ARSB: variants seen among roughly 807,000 people sequenced by gnomAD.
The protein encoded by ARSB is arylsulfatase B, also known as N-acetylgalactosamine-4-sulfatase.
ARSB carries 41 observed loss-of-function variants against 50.9 expected under a neutral mutation model. The ratio of observed to expected loss-of-function variants is 0.81; its 90% CI spans 0.63 to 1.04. The LOEUF (loss-of-function observed/expected upper bound fraction) is 1.04. ARSB is among the 50% of genes least tolerant of loss of function. ARSB has a pLI of 0.00. For missense variants in ARSB, 672 were observed against 693.3 expected, an observed-to-expected ratio of 0.97 and a Z score of 0.35; for synonymous variants, 269 against 284.8, an observed-to-expected ratio of 0.94 and a Z score of 0.56.
rs541176513 is a variant in ARSB at position 78,819,823 on chromosome 5, C to T, written c.1213+19533G>A. Among the ~76,000 whole-genome samples, 6 of 152,362 alleles carry T rather than the reference C, an allele frequency of 3.9e-5. 1 individual carries two copies. In the South Asian group the frequency reaches 1.2e-3, roughly 32 times the overall value. On this transcript the variant is annotated intron_variant, in intron 6 of 7. Coordinates refer to ENST00000264914, the MANE Select transcript of ARSB (RefSeq NM_000046.5). The stretch of plus-strand genomic sequence containing the variant: ...GGGAGGCCAAGTGCTTTAGGACAAG[C>T]ACTGGCAAATGGCACAGAAGGGCCA...
chr5:78,873,785 G>A (rs113302770), intron 5 of ARSB, among the ~76,000 whole-genome samples: 3,774 of 152,118 alleles, frequency 0.025, 114 homozygotes, highest in South Asian at 0.11. Context: ...GTGAGCCACC[G>A]CACCCGGCCT....
chr5:78,922,193 T>A (rs1749847639), intron 4 of ARSB, among the ~76,000 whole-genome samples: 1 of 74,430 alleles, frequency 1.3e-5, no homozygotes. Flanking sequence ...TTAGAGCCAG[T>A]GGATTTGGTG....
rs1384287393 is a variant in ARSB at position 78,868,160 on chromosome 5, T to C, written c.1142+17424A>G. ...AAAGCCTCCAAGAAATATGGGACTA[T>C]GTGAAAAGACCAAATCTACGTCTGA... On this transcript the variant is annotated intron_variant, in intron 5 of 7. Coordinates refer to ENST00000264914, the MANE Select transcript of ARSB (RefSeq NM_000046.5). 2.8e-5 allele frequency among the ~76,000 whole-genome samples: 4 copies of C among 140,588 alleles called. No individual in the cohort carries two copies. In the South Asian group the frequency reaches 7.2e-4, roughly 25 times the overall value. The allele number at this position is 140,588 out of a possible 152,430, so 92.2% of individuals were successfully genotyped here.
intron 4 of ARSB, among the ~76,000 whole-genome samples, chr5:78,890,816 T>C (rs1237050867): frequency 6.6e-6 from 1 of 152,238 alleles, no homozygotes; most frequent in Non-Finnish European, 1.5e-5. Context: ...GAATATGTCA[T>C]GCCCTTTCAT....
chr5:78,856,494 T>G (rs1746147937), intron 5 of ARSB, among the ~76,000 whole-genome samples: 1 of 152,220 alleles, frequency 6.6e-6, no homozygotes, highest in African/African-American at 2.4e-5. Flanking sequence ...ACACAAAGCT[T>G]TATCACAATG....
intron 6 of ARSB, among the ~76,000 whole-genome samples, chr5:78,790,023 G>A (rs997059774): frequency 1.3e-5 from 2 of 152,142 alleles, no homozygotes; most frequent in Admixed American, 6.5e-5. Flanking sequence ...TAGGGTGAAC[G>A]GGAGGGTCTA....
At chr5:78,977,265 C>T (rs2052549) in intron 1 of ARSB, among the ~76,000 whole-genome samples, 32,657 of 151,632 alleles carry the variant, frequency 0.22, 3,620 homozygotes, top group Non-Finnish European at 0.25. Flanking sequence ...GCAATTCTCC[C>T]GCCTCAGCCT....
At chr5:78,838,236 C>T (rs1425580174) in intron 6 of ARSB, among the ~76,000 whole-genome samples, 2 of 152,096 alleles carry the variant, frequency 1.3e-5, no homozygotes, top group African/African-American at 4.8e-5. Context: ...AAAGCATTCA[C>T]AGAGGGAGAC....
At chr5:78,861,375 C>A (rs1388910755) in intron 5 of ARSB, among the ~76,000 whole-genome samples, 1 of 152,132 alleles carries the variant, frequency 6.6e-6, no homozygotes, top group African/African-American at 2.4e-5. Flanking sequence ...AAAATACTGG[C>A]AAACCGAATC....
At chr5:78,939,100 T>A (rs1466764211) in intron 4 of ARSB, among the ~76,000 whole-genome samples, 1 of 152,184 alleles carries the variant, frequency 6.6e-6, no homozygotes, top group East Asian at 1.9e-4. Flanking sequence ...ATTATGTGGG[T>A]ACTCTGGCCA....
intron 6 of ARSB, chr5:78,817,258 C>G (rs569652875): frequency 3.3e-6 from 1 of 300,158 alleles, no homozygotes; most frequent in Non-Finnish European, 4.9e-6. Context: ...GCTTCCCTCC[C>G]CAAACCCACA....
Position 78,885,187 on chromosome 5 carries a change from T to C in ARSB, c.1142+397A>G, listed in dbSNP as rs137920735. 32 of 240,064 alleles carry C rather than the reference T, an allele frequency of 1.3e-4. No individual in the cohort carries two copies. The East Asian group carries it at 2.5e-3, about 19-fold the overall frequency. The allele number at this position is 240,064 out of a possible 1,614,324, so 14.9% of individuals were successfully genotyped here. A position where few individuals can be genotyped will look rare whatever the true frequency, so the allele number is the denominator to read the frequency against. ...TTAGATACTTGCTAATAAATGGAAA[T>C]AAACATATCCCTAGTTCCTATTCCA... On this transcript the variant is annotated intron_variant, in intron 5 of 7. Coordinates refer to ENST00000264914, the MANE Select transcript of ARSB (RefSeq NM_000046.5).
At chr5:78,786,171 G>A (rs1749076082) in intron 6 of ARSB, among the ~76,000 whole-genome samples, 1 of 152,094 alleles carries the variant, frequency 6.6e-6, no homozygotes, top group Admixed American at 6.5e-5. Context: ...ACACCCTCCA[G>A]CCCTAGGCAA....
At chr5:78,962,446 T>C (rs1287633515) in intron 3 of ARSB, among the ~76,000 whole-genome samples, 1 of 151,960 alleles carries the variant, frequency 6.6e-6, no homozygotes, top group Non-Finnish European at 1.5e-5. Context: ...GATATCAGCA[T>C]AGGAGAGTGA....
chr5:78,852,093 T>C (rs530620911), intron 5 of ARSB, among the ~76,000 whole-genome samples: 1 of 152,230 alleles, frequency 6.6e-6, no homozygotes, highest in Non-Finnish European at 1.5e-5. Flanking sequence ...GTGAATTTGA[T>C]CTTGTCATTA....
chr5:78,802,063 C>A (rs1743414646), intron 6 of ARSB, among the ~76,000 whole-genome samples: 3 of 151,786 alleles, frequency 2.0e-5, no homozygotes, highest in Admixed American at 2.0e-4. Context: ...TCTTTGGGCA[C>A]ACGAAGCTCT....
chr5:78,936,306 TA>T lies in ARSB; in HGVS notation c.898+18988del, dbSNP rs1232924227. 6.6e-5 allele frequency among the ~76,000 whole-genome samples: 10 copies of T among 151,264 alleles called. No individual in the cohort carries two copies. The East Asian group carries it at 2.0e-3, about 30-fold the overall frequency. On this transcript the variant is annotated intron_variant, in intron 4 of 7. Coordinates refer to ENST00000264914, the MANE Select transcript of ARSB (RefSeq NM_000046.5). Reference sequence around the variant, plus strand: ...TGCTGGGTTATTTTTGTATTTTTAGTAGACATAAGGTTTTGCCATGTTGGCC... The same window carrying T: ...TGCTGGGTTATTTTTGTATTTTTAGTGACATAAGGTTTTGCCATGTTGGCC...
chr5:78,918,696 T>G (rs1749670580), intron 4 of ARSB, among the ~76,000 whole-genome samples: 1 of 152,352 alleles, frequency 6.6e-6, no homozygotes, highest in African/African-American at 2.4e-5. Flanking sequence ...ATTTATTAAA[T>G]TAAGTAACTC....
chr5:78,871,286 G>T (rs1747156626), intron 5 of ARSB, among the ~76,000 whole-genome samples: 1 of 152,142 alleles, frequency 6.6e-6, no homozygotes, highest in Non-Finnish European at 1.5e-5. Context: ...AGCTACCAAT[G>T]ACTTTCTTCA....
Sources: gnomAD v4.1 joint callset for allele counts (sites outside exome capture counted in the v4.1 genomes callset) on GRCh38, gnomAD v4.1.1 for gene constraint, MANE v1.5 for transcripts, NCBI Gene and HGNC (gene_info 2026-07-23, HGNC 2026-07-21) for gene names.